The following UTRN variants were observed in gnomAD, a reference collection of about 807,000 sequenced individuals.
UTRN encodes the protein dystrophin-related protein 1.
UTRN carries 283 observed loss-of-function variants against 463.9 expected under a neutral mutation model. The ratio of observed to expected loss-of-function variants is 0.61; its 90% CI spans 0.55 to 0.67. UTRN has a LOEUF of 0.67. Among genes scored for constraint, UTRN ranks in the 30% least tolerant of loss-of-function variants. UTRN has a pLI of 0.00. For synonymous variants in UTRN, 1,442 were observed against 1,431.5 expected, an observed-to-expected ratio of 1.01 and a Z score of -0.17; for missense variants, 3,922 against 4,084.3, an observed-to-expected ratio of 0.96 and a Z score of 1.08.
rs57946365 is a variant in UTRN, at chr6:144,812,042, A to G, written c.9358-8840A>G. 7.8e-3 allele frequency among the ~76,000 whole-genome samples: 1,191 copies of G among 152,236 alleles called. 17 individuals are homozygous for G. The highest frequency in any genetic ancestry group is 0.026 in the African/African-American group (1,076 of 41,532). Reference sequence around the variant, plus strand: ...TATTTGTAATTAACAATTTAAATCCACTGTTTGGAGCATTAAGGAATTAGT... The same window carrying G: ...TATTTGTAATTAACAATTTAAATCCGCTGTTTGGAGCATTAAGGAATTAGT... On this transcript the variant is annotated intron_variant, in intron 65 of 74. Coordinates refer to ENST00000367545, the MANE Select transcript of UTRN (RefSeq NM_007124.3).
intron 53 of UTRN, 122 bp downstream of exon 53, chr6:144,700,365 C>A: frequency 8.7e-7 from 1 of 1,153,844 alleles, no homozygotes; most frequent in Non-Finnish European, 1.2e-6. Context: ...CCCCCACCAC[C>A]GTCTGCTTTT....
chr6:144,849,457 T>A (rs1782299757), intron 74 of UTRN, among the ~76,000 whole-genome samples: 5 of 152,198 alleles, frequency 3.3e-5, no homozygotes, highest in Admixed American at 2.6e-4. Context: ...CTTCTCCTCC[T>A]ACTCTGTTTC....
chr6:144,801,201 A>G (rs1377468796), intron 64 of UTRN, among the ~76,000 whole-genome samples: 1 of 152,076 alleles, frequency 6.6e-6, no homozygotes, highest in African/African-American at 2.4e-5. Context: ...TAAAATTTGT[A>G]TTTCGAATGA....
At chr6:144,740,670 T>G (rs1299459532) in intron 54 of UTRN, among the ~76,000 whole-genome samples, 1 of 152,244 alleles carries the variant, frequency 6.6e-6, no homozygotes, top group African/African-American at 2.4e-5. Flanking sequence ...TGTATGAATA[T>G]AATGCATCTA....
At chr6:144,516,529 G>GT (rs1795624239) in intron 38 of UTRN, 142 bp downstream of exon 38, 2 of 1,002,220 alleles carry the variant, frequency 2.0e-6, no homozygotes, top group Non-Finnish European at 2.9e-6. Context: ...GTGTGTCAAT[G>GT]TAAGAGTCAC....
chr6:144,637,065 C>T (rs548706131), intron 51 of UTRN, among the ~76,000 whole-genome samples: 1 of 152,286 alleles, frequency 6.6e-6, no homozygotes, highest in African/African-American at 2.4e-5. Flanking sequence ...GCTGCCTGGG[C>T]TCAGGAAATC....
At position 144,730,343 on chromosome 6, in the gene UTRN, T is replaced by C; in HGVS notation, c.7810-14T>C. ...GTGAGGTTACAAACTCAACTTTTGC[T>C]TCTCTTTTGAAAGGCCCTGAGACGG... On this transcript the variant is annotated splice_polypyrimidine_tract_variant and intron_variant, in intron 53 of 74. Coordinates refer to ENST00000367545, the MANE Select transcript of UTRN (RefSeq NM_007124.3). 1 of 1,563,948 alleles carries C rather than the reference T, an allele frequency of 6.4e-7. No homozygotes were observed. Among genetic ancestry groups the C allele is most frequent in the Non-Finnish European group, 8.7e-7 (1 of 1,154,062 alleles).
chr6:144,564,430 A>C (rs187575377), intron 50 of UTRN, among the ~76,000 whole-genome samples: 1 of 152,164 alleles, frequency 6.6e-6, no homozygotes, highest in Non-Finnish European at 1.5e-5. Context: ...AGAGCTTGAG[A>C]TGCGGTAGGA....
chr6:144,735,439 G>A (rs1789271622), intron 54 of UTRN, among the ~76,000 whole-genome samples: 1 of 152,164 alleles, frequency 6.6e-6, no homozygotes, highest in African/African-American at 2.4e-5. Flanking sequence ...TCTTGTGCCT[G>A]GACGGCAGAT....
rs1787789529 is a variant in UTRN at position 144,447,280 on chromosome 6, G to C, written c.1684G>C (p.Asp562His). The change falls in exon 15 of 75, where the codon GAC (aspartate) becomes CAC (histidine). Residue 562 changes from aspartate (D) to histidine (H), a missense_variant. Around this residue, in one of 3 missense-constraint regions of UTRN, gnomAD observed 2,349 missense variants for 2,303.8 expected, o/e 1.02. Coordinates refer to ENST00000367545, the MANE Select transcript of UTRN (RefSeq NM_007124.3). ...LNKVQTSNFKDQKELSVSVRR... is the reference protein window; with the variant it reads ...LNKVQTSNFKHQKELSVSVRR... Reference sequence around the variant, plus strand: ...TAAAGTCCAGACAAGCAACTTCAAAGACCAAAAGGAACTAAGTGTCAGTGT... The same window carrying C: ...TAAAGTCCAGACAAGCAACTTCAAACACCAAAAGGAACTAAGTGTCAGTGT... 6.2e-7 allele frequency: 1 copy of C among 1,613,870 alleles called. No individual in the cohort carries two copies. Among genetic ancestry groups the C allele is most frequent in the South Asian group, 1.1e-5 (1 of 91,060 alleles).
rs145238149 is a variant in UTRN, at chr6:144,516,892, A to C, written c.5485A>C (p.Lys1829Gln). 1 of 1,513,930 alleles carries C rather than the reference A, an allele frequency of 6.6e-7. No individual in the cohort carries two copies. Among genetic ancestry groups the C allele is most frequent in the East Asian group, 2.6e-5 (1 of 39,006 alleles). 93.8% of individuals were successfully genotyped at this position (1,513,930 alleles called of 1,614,324 possible). ...ACATCAACCTATGGAAGATAATAAAAAAGAAAAGATCCGTTTGCAATTATT... is the reference window on the plus strand; with the variant it reads ...ACATCAACCTATGGAAGATAATAAACAAGAAAAGATCCGTTTGCAATTATT... ...MLHQPMEDNK[K>Q]EKIRLQLLLL... The change falls in exon 39 of 75, where the codon AAA becomes CAA. Residue 1829 changes from lysine to glutamine, a missense_variant. Physicochemically the swap from Lys to Gln is moderately conservative, Grantham distance 53. Around this residue, in one of 3 missense-constraint regions of UTRN, gnomAD observed 2,349 missense variants for 2,303.8 expected, o/e 1.02. Coordinates refer to ENST00000367545, the MANE Select transcript of UTRN (RefSeq NM_007124.3).
intron 39 of UTRN, among the ~76,000 whole-genome samples, chr6:144,518,583 A>T (rs989449043): frequency 6.6e-6 from 1 of 152,034 alleles, no homozygotes; most frequent in African/African-American, 2.4e-5. Context: ...TTTATTTCTA[A>T]CTTCTGTCAG....
At position 144,789,212 on chromosome 6, in the gene UTRN, T is replaced by C. The variant is rs1187781506; in HGVS notation, c.8853T>C (p.Ile2951=). Residue 2951 remains isoleucine (I), a synonymous_variant, in exon 62 of 75, where the codon ATT becomes ATC. Transcript: ENST00000367545. ...NVYDTGRTGK[I]RVQSLKIGLM... ...ATTTTAGGGGTCGAACTGGAAAAAT[T>C]AGAGTGCAGAGTCTGAAGATTGGAT... 6.2e-7 allele frequency: 1 copy of C among 1,613,120 alleles called. No homozygotes were observed. Among genetic ancestry groups the C allele is most frequent in the Non-Finnish European group, 8.5e-7 (1 of 1,179,666 alleles).
At chr6:144,505,187 T>A (rs766391111) in intron 34 of UTRN, among the ~76,000 whole-genome samples, 3 of 152,166 alleles carry the variant, frequency 2.0e-5, no homozygotes, top group Non-Finnish European at 2.9e-5. Context: ...GGCTTATCTA[T>A]TTTATTAATC....
At chr6:144,653,393 G>A (rs572657830) in intron 51 of UTRN, among the ~76,000 whole-genome samples, 1 of 152,160 alleles carries the variant, frequency 6.6e-6, no homozygotes, top group Admixed American at 6.5e-5. Flanking sequence ...AGACCATCCT[G>A]TCAAATATGG....
In UTRN at chr6:144,836,344, C is replaced by T; in HGVS notation, c.9868C>T (p.Arg3290Ter). ...EYEQLKDQHL[R>*]RGLPVGSPPE... is the part of the protein sequence containing the mutation. ...TGAGCAGCTGAAGGACCAGCACCTC[C>T]GAAGGGGGCTCCCTGTCGGTTCACC... is the stretch of plus-strand genomic sequence containing the variant. Residue 3290 changes from arginine (R) to a stop codon, truncating the protein, a stop_gained, in exon 71 of 75, where the codon CGA (arginine) becomes TGA (stop). Transcript: ENST00000367545. LOFTEE classifies it high-confidence loss of function. 2.5e-6 allele frequency: 4 copies of T among 1,614,104 alleles called. No individual in the cohort carries two copies. The highest frequency in any genetic ancestry group is 3.4e-6 in the Non-Finnish European group (4 of 1,179,984).
chr6:144,361,451 GTT>G (rs1183448091), intron 2 of UTRN, among the ~76,000 whole-genome samples: 1 of 152,176 alleles, frequency 6.6e-6, no homozygotes, highest in Non-Finnish European at 1.5e-5. Flanking sequence ...CTATGTTTGA[GTT>G]AAAACCATCC....
At chr6:144,525,445 T>A (rs1172471829) in intron 41 of UTRN, among the ~76,000 whole-genome samples, 1 of 152,148 alleles carries the variant, frequency 6.6e-6, no homozygotes, top group African/African-American at 2.4e-5. Flanking sequence ...TTTATCCATA[T>A]CCTCTAGGTT....
intron 51 of UTRN, among the ~76,000 whole-genome samples, chr6:144,604,864 G>A (rs900836772): frequency 1.1e-4 from 16 of 152,096 alleles, no homozygotes; most frequent in Admixed American, 9.2e-4. Context: ...GCAGTGAGCC[G>A]AGATTGCACC....
Sources: gnomAD v4.1 joint callset for allele counts (sites outside exome capture counted in the v4.1 genomes callset) on GRCh38, gnomAD v4.1.1 for gene constraint, gnomAD v4.1.1 regional missense constraint, MANE v1.5 for transcripts, NCBI Gene and HGNC (gene_info 2026-07-23, HGNC 2026-07-21) for gene names.